The following CCDC18 variants were observed in gnomAD, a reference collection of about 807,000 sequenced individuals.
The protein encoded by CCDC18 is coiled-coil domain containing 18.
CCDC18 carries 157 observed loss-of-function variants against 196.0 expected under a neutral mutation model. The ratio of observed to expected loss-of-function variants is 0.80; its 90% CI spans 0.70 to 0.91. CCDC18 has a LOEUF of 0.91. Among genes scored for constraint, CCDC18 ranks in the 40% least tolerant of loss-of-function variants. The pLI, the probability that CCDC18 is intolerant of heterozygous loss-of-function variation, is 0.00. For synonymous variants in CCDC18, 482 were observed against 529.2 expected, an observed-to-expected ratio of 0.91 and a Z score of 1.22; for missense variants, 1,465 against 1,611.6, an observed-to-expected ratio of 0.91 and a Z score of 1.56.
intron 11 of CCDC18, among the ~76,000 whole-genome samples, chr1:93,213,248 GT>G (rs1655961303): frequency 6.6e-6 from 1 of 152,094 alleles, no homozygotes; most frequent in Non-Finnish European, 1.5e-5. Context: ...GACCCCTGCA[GT>G]TAAGATGCAC....
intron 27 of CCDC18, 100 bp from the exon 28 acceptor site, chr1:93,270,247 G>A: frequency 1.4e-6 from 1 of 695,990 alleles, no homozygotes; most frequent in South Asian, 2.0e-5. Context: ...TTCCTATAGT[G>A]GGACAAAGGT....
At chr1:93,259,515 G>C (rs183816949) in intron 26 of CCDC18, among the ~76,000 whole-genome samples, 12 of 152,124 alleles carry the variant, frequency 7.9e-5, no homozygotes, top group Non-Finnish European at 1.8e-4. Flanking sequence ...CTAATAAAGC[G>C]TTTTTTCTAA....
chr1:93,251,396 T>A (rs921360096), intron 23 of CCDC18, among the ~76,000 whole-genome samples: 2 of 152,212 alleles, frequency 1.3e-5, no homozygotes, highest in Non-Finnish European at 2.9e-5. Flanking sequence ...TCAGTGTTGG[T>A]GTAACAGTCA....
At chr1:93,203,663 G>A (rs1654221947) in intron 7 of CCDC18, among the ~76,000 whole-genome samples, 1 of 152,136 alleles carries the variant, frequency 6.6e-6, no homozygotes, top group Admixed American at 6.5e-5. Context: ...GTTGCAAATT[G>A]GTCAAGAAGA....
chr1:93,180,913 C>G (rs1012270356), intron 1 of CCDC18, 61 bp downstream of exon 1: 4 of 1,348,644 alleles, frequency 3.0e-6, no homozygotes, highest in East Asian at 4.6e-5. Context: ...GTGGGGAAAC[C>G]GGCTTACCTG....
At chr1:93,275,098 T>C (rs1306938792) in intron 28 of CCDC18, among the ~76,000 whole-genome samples, 1 of 152,092 alleles carries the variant, frequency 6.6e-6, no homozygotes, top group Non-Finnish European at 1.5e-5. Flanking sequence ...CTCTGTAAAA[T>C]TTAATGAAAG....
At chr1:93,250,215 C>T (rs901057974) in intron 23 of CCDC18, among the ~76,000 whole-genome samples, 4 of 150,800 alleles carry the variant, frequency 2.7e-5, no homozygotes, top group Admixed American at 2.0e-4. Context: ...CCTGTCTCTA[C>T]AAAAAGTGAA....
At chr1:93,254,345 T>C in intron 23 of CCDC18, 126 bp from the exon 24 acceptor site, 1 of 638,172 alleles carries the variant, frequency 1.6e-6, no homozygotes, top group Non-Finnish European at 2.6e-6. Flanking sequence ...AGGATACGAT[T>C]GCCTTAACCT....
At chr1:93,209,489 T>C (rs560523764) in intron 9 of CCDC18, among the ~76,000 whole-genome samples, 1 of 152,230 alleles carries the variant, frequency 6.6e-6, no homozygotes, top group Non-Finnish European at 1.5e-5. Context: ...TAAACTGTTA[T>C]GAACTGTGGA....
chr1:93,226,311 T>TTTG, intron 16 of CCDC18, 22 bp from the exon 17 acceptor site: 2 of 920,164 alleles, frequency 2.2e-6, no homozygotes, highest in Non-Finnish European at 3.3e-6. Context: ...TTTTTTTTTT[T>TTTG]TTTGCTTTTT....
chr1:93,225,364 G>A (rs1290348089), intron 16 of CCDC18, among the ~76,000 whole-genome samples: 1 of 152,140 alleles, frequency 6.6e-6, no homozygotes, highest in Non-Finnish European at 1.5e-5. Flanking sequence ...ATGAACACTT[G>A]GACCAAGTTA....
At chr1:93,213,157 C>T (rs1007799494) in intron 11 of CCDC18, among the ~76,000 whole-genome samples, 52 of 152,098 alleles carry the variant, frequency 3.4e-4, no homozygotes, top group African/African-American at 1.2e-3. Context: ...TTTGCTCATT[C>T]GCCTGCCACT....
intron 6 of CCDC18, 128 bp downstream of exon 6, chr1:93,193,872 CT>C: frequency 3.3e-6 from 2 of 601,498 alleles, no homozygotes; most frequent in Non-Finnish European, 2.7e-6. Context: ...ACTTAATGTT[CT>C]TTTTTATCTA....
intron 23 of CCDC18, among the ~76,000 whole-genome samples, chr1:93,253,152 C>G (rs778593231): frequency 6.6e-6 from 1 of 152,162 alleles, no homozygotes; most frequent in East Asian, 1.9e-4. Context: ...CACACATAGC[C>G]CAGCAAGCTC....
At position 93,236,343 on chromosome 1, in the gene CCDC18, A is replaced by G; in HGVS notation, c.2556A>G (p.Glu852=). Residue 852 remains glutamate (E), a synonymous_variant, in exon 19 of 29, where the codon GAA becomes GAG. Transcript: ENST00000690025. ...MEEKCESAAH[E]ADLKRQKVIE... ...AGAAATGTGAATCAGCTGCACATGAAGCAGATTTGAAAAGGCAAAAAGTGA... is the reference window on the plus strand; with the variant it reads ...AGAAATGTGAATCAGCTGCACATGAGGCAGATTTGAAAAGGCAAAAAGTGA... 3 of 1,584,680 alleles carry G rather than the reference A, an allele frequency of 1.9e-6. No homozygotes were observed. The highest frequency in any genetic ancestry group is 2.6e-6 in the Non-Finnish European group (3 of 1,170,384).
Position 93,216,640 on chromosome 1 carries a change from C to CA in CCDC18, c.1727dup (p.Lys577GlufsTer9). ...TTTATTTCAATGTGTTTTCAGATGA[C>CA]AAAGAAATGTTCTCAACTTTTAACT... On this transcript the variant is annotated frameshift_variant, in exon 13 of 29. Transcript: ENST00000690025. LOFTEE classifies it high-confidence loss of function. 6.7e-7 allele frequency: 1 copy of CA among 1,501,434 alleles called. No individual in the cohort carries two copies. Among genetic ancestry groups the CA allele is most frequent in the Non-Finnish European group, 9.0e-7 (1 of 1,105,768 alleles). 93.0% of individuals were successfully genotyped at this position (1,501,434 alleles called of 1,614,324 possible). A position where few individuals can be genotyped will look rare whatever the true frequency, so the allele number is the denominator to read the frequency against.
rs1660474029 is a variant in CCDC18 at position 93,239,425 on chromosome 1, A to G, written c.2719A>G (p.Met907Val). The G allele has an allele frequency of 1.2e-6, 2 of 1,613,192 alleles. No individual in the cohort carries two copies. Among genetic ancestry groups the G allele is most frequent in the East Asian group, 2.2e-5 (1 of 44,780 alleles). Residue 907 changes from methionine to valine, a missense_variant, in exon 20 of 29, where the codon ATG (methionine) becomes GTG (valine). By Grantham distance (21) the Met-to-Val change is conservative (BLOSUM62 1). Coordinates refer to ENST00000690025, the MANE Select transcript of CCDC18 (RefSeq NM_001378204.1). ...NKAMHLSQLD[M>V]ILDQTKTELE... The stretch of plus-strand genomic sequence containing the variant: ...AGCAATGCACCTCTCTCAATTAGAT[A>G]TGATCTTAGATCAGACAAAGACAGA...
chr1:93,234,669 TAATTAAG>T (rs1659765583), intron 18 of CCDC18, among the ~76,000 whole-genome samples: 1 of 83,886 alleles, frequency 1.2e-5, no homozygotes, highest in African/African-American at 1.5e-4. Context: ...TTTCTCTATT[TAATTAAG>T]AATTGAGTAG....
chr1:93,186,551 A>G, intron 4 of CCDC18, 48 bp downstream of exon 4: 1 of 1,476,814 alleles, frequency 6.8e-7, no homozygotes, highest in Non-Finnish European at 9.2e-7. Context: ...TTGTTATTTT[A>G]AGATTTATAA....
Sources: gnomAD v4.1 joint callset for allele counts (sites outside exome capture counted in the v4.1 genomes callset) on GRCh38, gnomAD v4.1.1 for gene constraint, MANE v1.5 for transcripts, NCBI Gene and HGNC (gene_info 2026-07-23, HGNC 2026-07-21) for gene names.